The following STX8 variants were observed in gnomAD, a reference collection of about 807,000 sequenced individuals.
STX8 encodes the protein syntaxin 8, also known as syntaxin-8.
In STX8, 23 loss-of-function variants were observed where a neutral mutation model predicts 37.5. The ratio of observed to expected loss-of-function variants is 0.61; its 90% CI spans 0.44 to 0.87. The LOEUF is 0.87. Among genes scored for constraint, STX8 ranks in the 40% least tolerant of loss-of-function variants. The pLI, the probability that STX8 is intolerant of heterozygous loss-of-function variation, is 0.00. For synonymous variants in STX8, 115 were observed against 99.1 expected, an observed-to-expected ratio of 1.16 and a Z score of -0.95; for missense variants, 313 against 284.7, an observed-to-expected ratio of 1.10 and a Z score of -0.71.
At chr17:9,556,766 T>TATATATACATAC (rs1906984989) in intron 3 of STX8, 3 of 32,302 alleles carry the variant, frequency 9.3e-5, no homozygotes, top group Admixed American at 5.3e-4. Flanking sequence ...TATATATATA[T>TATATATACATAC]ATATATATAT....
At chr17:9,286,686 CA>C (rs34274390) in intron 7 of STX8, among the ~76,000 whole-genome samples, 3,714 of 82,896 alleles carry the variant, frequency 0.045, 117 homozygotes, top group African/African-American at 0.15. Context: ...CAAAGGGAAG[CA>C]AAAAAAAAAA....
intron 7 of STX8, among the ~76,000 whole-genome samples, chr17:9,321,577 T>C (rs1167970036): frequency 6.6e-6 from 1 of 151,836 alleles, no homozygotes; most frequent in Non-Finnish European, 1.5e-5. Context: ...TGGAGTACAC[T>C]GGCGCAATCC....
intron 7 of STX8, among the ~76,000 whole-genome samples, chr17:9,341,182 C>T (rs751217743): frequency 2.0e-5 from 3 of 151,940 alleles, no homozygotes; most frequent in South Asian, 2.1e-4. Flanking sequence ...GAAGAGACTG[C>T]GATATTGGGC....
chr17:9,307,487 G>C (rs374480523), intron 7 of STX8, among the ~76,000 whole-genome samples: 1 of 152,156 alleles, frequency 6.6e-6, no homozygotes, highest in Non-Finnish European at 1.5e-5. Flanking sequence ...TGCTTCTCCT[G>C]TTCTCTTCTT....
At chr17:9,407,904 A>T (rs1295404434) in intron 6 of STX8, among the ~76,000 whole-genome samples, 1 of 152,154 alleles carries the variant, frequency 6.6e-6, no homozygotes, top group Non-Finnish European at 1.5e-5. Context: ...TCTCTTTAGG[A>T]TTGGGAGGGT....
intron 7 of STX8, among the ~76,000 whole-genome samples, chr17:9,329,993 A>G (rs1418795668): frequency 6.6e-6 from 1 of 152,118 alleles, no homozygotes; most frequent in African/African-American, 2.4e-5. Context: ...GCTAAGAGGA[A>G]GGTGAAGGTG....
intron 6 of STX8, among the ~76,000 whole-genome samples, chr17:9,456,999 G>C (rs1158186543): frequency 1.3e-5 from 2 of 152,126 alleles, no homozygotes; most frequent in East Asian, 3.9e-4. Context: ...AGCTGTGGCT[G>C]CAAGTAGCAG....
intron 7 of STX8, among the ~76,000 whole-genome samples, chr17:9,337,886 A>C (rs1329487861): frequency 6.6e-6 from 1 of 152,054 alleles, no homozygotes; most frequent in Non-Finnish European, 1.5e-5. Context: ...ATCCTAGTCC[A>C]TGGAAGAGAA....
intron 7 of STX8, among the ~76,000 whole-genome samples, chr17:9,310,192 C>G (rs1909142170): frequency 6.6e-6 from 1 of 152,134 alleles, no homozygotes; most frequent in African/African-American, 2.4e-5. Flanking sequence ...AACAGGCACC[C>G]TGATAACCAA....
chr17:9,369,129 C>A (rs972640176), intron 7 of STX8, among the ~76,000 whole-genome samples: 6 of 152,138 alleles, frequency 3.9e-5, no homozygotes, highest in Non-Finnish European at 8.8e-5. Context: ...GTACCTGGCA[C>A]ACAGATGATA....
At chr17:9,501,769 C>A (rs535044534) in intron 5 of STX8, among the ~76,000 whole-genome samples, 1 of 151,866 alleles carries the variant, frequency 6.6e-6, no homozygotes, top group Non-Finnish European at 1.5e-5. Context: ...GTCAGGAGAT[C>A]GAAACCAGCA....
chr17:9,434,912 C>T lies in STX8; in HGVS notation c.542-56259G>A, dbSNP rs1343128824. 3.9e-5 allele frequency among the ~76,000 whole-genome samples: 6 copies of T among 152,300 alleles called. No individual in the cohort carries two copies. The South Asian group carries it at 1.2e-3, about 32-fold the overall frequency. On this transcript the variant is annotated intron_variant, in intron 6 of 7. Transcript: ENST00000306357. ...TTCAGGTCATTCCCATGGCATGTTGCCACGGCATTTGTAAACTGCCATGGC... is the reference window on the plus strand; with the variant it reads ...TTCAGGTCATTCCCATGGCATGTTGTCACGGCATTTGTAAACTGCCATGGC...
At position 9,314,805 on chromosome 17, in the gene STX8, T is replaced by C. The variant is rs1909324131; in HGVS notation, c.643+63747A>G. ...GGCCAAGGGTAGCCCAGAGAAGCCT[T>C]AAAAAACTGAGTTCCTGGCTGGGCA... On this transcript the variant is annotated intron_variant, in intron 7 of 7. Coordinates refer to ENST00000306357, the MANE Select transcript of STX8 (RefSeq NM_004853.3). 2.0e-5 allele frequency among the ~76,000 whole-genome samples: 3 copies of C among 150,474 alleles called. No individual in the cohort carries two copies. The South Asian group carries it at 6.3e-4, about 32-fold the overall frequency.
At chr17:9,342,283 C>A (rs530446558) in intron 7 of STX8, among the ~76,000 whole-genome samples, 22 of 152,178 alleles carry the variant, frequency 1.4e-4, no homozygotes, top group Non-Finnish European at 2.8e-4. Flanking sequence ...TAAAAGGCCA[C>A]AGACCGGTAC....
At chr17:9,252,219 C>T (rs557512724) in intron 7 of STX8, among the ~76,000 whole-genome samples, 29 of 151,166 alleles carry the variant, frequency 1.9e-4, no homozygotes, top group South Asian at 2.1e-4. Context: ...CCGAGGCGGG[C>T]GGACCATGAG....
chr17:9,523,079 G>A (rs532735638), intron 4 of STX8, among the ~76,000 whole-genome samples: 19 of 151,922 alleles, frequency 1.3e-4, no homozygotes, highest in Non-Finnish European at 1.6e-4. Flanking sequence ...TTGGGAGGCC[G>A]AGGCAGGTGG....
At chr17:9,402,779 G>A (rs748797825) in intron 6 of STX8, among the ~76,000 whole-genome samples, 10 of 152,070 alleles carry the variant, frequency 6.6e-5, no homozygotes, top group Non-Finnish European at 1.0e-4. Context: ...CTTAACTTTC[G>A]CAGCAGAGGG....
intron 6 of STX8, among the ~76,000 whole-genome samples, chr17:9,436,923 C>T (rs1904454023): frequency 6.6e-6 from 1 of 152,184 alleles, no homozygotes; most frequent in African/African-American, 2.4e-5. Flanking sequence ...GGTCCTTTTC[C>T]AGCCAAGCTG....
At chr17:9,374,613 T>C (rs917210568) in intron 7 of STX8, among the ~76,000 whole-genome samples, 7 of 152,086 alleles carry the variant, frequency 4.6e-5, no homozygotes, top group Non-Finnish European at 1.0e-4. Flanking sequence ...CAAATGCATA[T>C]ATAAAATGCA....
Sources: allele counts gnomAD v4.1 joint callset (sites outside exome capture counted in the v4.1 genomes callset), GRCh38; gene constraint gnomAD v4.1.1; transcripts MANE v1.5; gene names NCBI Gene and HGNC (gene_info 2026-07-23, HGNC 2026-07-21).